The following SORCS1 variants were observed in gnomAD, a reference collection of about 807,000 sequenced individuals.
SORCS1 encodes the protein VPS10 domain-containing receptor SorCS1.
SORCS1 carries 60 observed loss-of-function variants against 146.1 expected under a neutral mutation model. That is an observed-to-expected ratio of 0.41 (90% CI 0.33 to 0.51). The LOEUF is 0.51. Among genes scored for constraint, SORCS1 ranks in the 20% least tolerant of loss-of-function variants. The pLI, the probability that SORCS1 is intolerant of heterozygous loss-of-function variation, is 0.21. For missense variants in SORCS1, 1,352 were observed against 1,487.6 expected, an observed-to-expected ratio of 0.91 and a Z score of 1.50; for synonymous variants, 637 against 584.0, an observed-to-expected ratio of 1.09 and a Z score of -1.31.
At chr10:106,878,956 G>C (rs2137690278) in intron 2 of SORCS1, among the ~76,000 whole-genome samples, 1 of 151,532 alleles carries the variant, frequency 6.6e-6, no homozygotes, top group East Asian at 2.0e-4. Context: ...GACCATCCTG[G>C]CTAACACGGT....
chr10:106,914,630 C>T (rs1425243400), intron 2 of SORCS1, among the ~76,000 whole-genome samples: 2 of 152,156 alleles, frequency 1.3e-5, no homozygotes, highest in Non-Finnish European at 2.9e-5. Flanking sequence ...TCAATTTCAA[C>T]TGAAAAAGGC....
At chr10:106,650,456 C>G (rs182418023) in intron 18 of SORCS1, among the ~76,000 whole-genome samples, 1 of 152,176 alleles carries the variant, frequency 6.6e-6, no homozygotes, top group African/African-American at 2.4e-5. Context: ...AACTTCTCAG[C>G]CTCTTATTGA....
intron 1 of SORCS1, among the ~76,000 whole-genome samples, chr10:107,049,810 G>T (rs1293440257): frequency 6.6e-6 from 1 of 152,126 alleles, no homozygotes. Context: ...AATTACAAGA[G>T]GCTAAAGATG....
intron 1 of SORCS1, among the ~76,000 whole-genome samples, chr10:107,079,871 T>C (rs1449358619): frequency 1.3e-5 from 2 of 152,222 alleles, no homozygotes; most frequent in Non-Finnish European, 2.9e-5. Context: ...CCCCAGCTCT[T>C]GCCTTTGGCT....
At chr10:106,820,578 T>C (rs1457770351) in intron 3 of SORCS1, among the ~76,000 whole-genome samples, 1 of 152,224 alleles carries the variant, frequency 6.6e-6, no homozygotes, top group Non-Finnish European at 1.5e-5. Context: ...ATAGTGGTTT[T>C]ATTAAAGATT....
intron 4 of SORCS1, among the ~76,000 whole-genome samples, chr10:106,772,473 T>A (rs1301773360): frequency 2.7e-5 from 4 of 147,034 alleles, no homozygotes; most frequent in African/African-American, 7.8e-5. Context: ...TCAATCAATC[T>A]CTCTCTCTCT....
chr10:106,593,397 T>C (rs906479336), intron 24 of SORCS1, among the ~76,000 whole-genome samples: 2 of 152,356 alleles, frequency 1.3e-5, no homozygotes, highest in Middle Eastern at 3.4e-3. Flanking sequence ...TTGACACGTT[T>C]GTCTTTTGCA....
intron 2 of SORCS1, among the ~76,000 whole-genome samples, chr10:106,878,382 T>A (rs1589613456): frequency 6.6e-6 from 1 of 151,618 alleles, no homozygotes; most frequent in African/African-American, 2.4e-5. Flanking sequence ...TAATTACCAA[T>A]ACAATGGTAT....
chr10:106,945,371 T>A (rs1262069772), intron 2 of SORCS1, among the ~76,000 whole-genome samples: 1 of 152,200 alleles, frequency 6.6e-6, no homozygotes, highest in Non-Finnish European at 1.5e-5. Flanking sequence ...TACAGGACAC[T>A]ATACTCAAAT....
intron 2 of SORCS1, among the ~76,000 whole-genome samples, chr10:106,835,305 T>A (rs1948733220): frequency 6.6e-6 from 1 of 152,232 alleles, no homozygotes. Context: ...AGAATCATTG[T>A]AATCTAAATT....
rs1554901295 is a variant in SORCS1 at position 106,976,325 on chromosome 10, GTT to G, written c.559-19747_559-19746del. ...CTGCACCTATCAACTCATCATCTAG[GTT>G]TTTTTGTTTTTTTTTTTTTTTTGAG... On this transcript the variant is annotated intron_variant, in intron 1 of 25. Coordinates refer to ENST00000263054, the MANE Select transcript of SORCS1 (RefSeq NM_052918.5). 4.4e-5 allele frequency among the ~76,000 whole-genome samples: 4 copies of G among 90,496 alleles called. No homozygotes were observed. The East Asian group carries it at 1.2e-3, about 27-fold the overall frequency. The allele number at this position is 90,496 out of a possible 152,430, so 59.4% of individuals were successfully genotyped here. A position where few individuals can be genotyped will look rare whatever the true frequency, so the allele number is the denominator to read the frequency against.
chr10:106,695,297 C>T (rs1431126184), intron 9 of SORCS1, among the ~76,000 whole-genome samples: 3 of 152,200 alleles, frequency 2.0e-5, no homozygotes, highest in South Asian at 2.1e-4. Flanking sequence ...ATTCTCTTTA[C>T]ATTGACTTTT....
At chr10:106,586,815 A>ATGT (rs770352675) in intron 24 of SORCS1, among the ~76,000 whole-genome samples, 2 of 152,006 alleles carry the variant, frequency 1.3e-5, no homozygotes, top group Non-Finnish European at 2.9e-5. Context: ...TATTAATTGG[A>ATGT]TGTGGTGGTG....
chr10:107,043,951 C>T (rs1379975819), intron 1 of SORCS1, among the ~76,000 whole-genome samples: 1 of 152,212 alleles, frequency 6.6e-6, no homozygotes, highest in African/African-American at 2.4e-5. Context: ...AGTAGGACTT[C>T]CACAGCTTGT....
chr10:106,660,754 A>G (rs1438186449), intron 17 of SORCS1, among the ~76,000 whole-genome samples: 1 of 152,078 alleles, frequency 6.6e-6, no homozygotes, highest in Non-Finnish European at 1.5e-5. Context: ...CGTCTCAAAA[A>G]AAAAAAAAAA....
intron 1 of SORCS1, among the ~76,000 whole-genome samples, chr10:107,006,852 C>T (rs1957466000): frequency 6.6e-6 from 1 of 152,172 alleles, no homozygotes; most frequent in Non-Finnish European, 1.5e-5. Context: ...TAGTACCTCC[C>T]ACAGAACTGC....
Position 107,084,262 on chromosome 10 carries a change from ATT to A in SORCS1, c.558+79705_558+79706del, listed in dbSNP as rs11342875. Among the ~76,000 whole-genome samples the A allele has an allele frequency of 1.5e-3, 206 of 133,336 alleles. 1 individual carries two copies. Among genetic ancestry groups the A allele is most frequent in the African/African-American group, 4.0e-3 (143 of 35,858 alleles). The allele number at this position is 133,336 out of a possible 152,430, so 87.5% of individuals were successfully genotyped here. On this transcript the variant is annotated intron_variant, in intron 1 of 25. Transcript: ENST00000263054. ...AGGTGCCCACCACCATACCCGGCTA[ATT>A]TTTTTTTTTTTTTTTGTATTTTTAG...
intron 2 of SORCS1, among the ~76,000 whole-genome samples, chr10:106,857,829 A>G (rs552548279): frequency 6.6e-6 from 1 of 152,344 alleles, no homozygotes; most frequent in South Asian, 2.1e-4. Flanking sequence ...TCAAGAAAAT[A>G]TCTTCAAATC....
chr10:106,982,478 G>A (rs1425681099), intron 1 of SORCS1, among the ~76,000 whole-genome samples: 1 of 152,140 alleles, frequency 6.6e-6, no homozygotes, highest in East Asian at 1.9e-4. Context: ...AGAGAACTGT[G>A]CCCAGTTTCA....
Sources: allele counts gnomAD v4.1 joint callset (sites outside exome capture counted in the v4.1 genomes callset), GRCh38; gene constraint gnomAD v4.1.1; transcripts MANE v1.5; gene names NCBI Gene and HGNC (gene_info 2026-07-23, HGNC 2026-07-21).